The following SCLT1 variants were observed in gnomAD, a reference collection of about 807,000 sequenced individuals.
SCLT1 encodes sodium channel-associated protein 1.
In SCLT1, 78 loss-of-function variants were observed where a neutral mutation model predicts 112.8. That is an observed-to-expected ratio of 0.69 (90% CI 0.58 to 0.83). The LOEUF (loss-of-function observed/expected upper bound fraction) is 0.83, where lower values mean the gene tolerates loss of function less well. Among genes scored for constraint, SCLT1 ranks in the 40% least tolerant of loss-of-function variants. The pLI is 0.00. For missense variants in SCLT1, 747 were observed against 770.4 expected (o/e 0.97, Z 0.36); for synonymous variants, 257 against 254.7 (o/e 1.01, Z -0.09).
At chr4:128,942,908 G>T in intron 17 of SCLT1, 88 bp downstream of exon 17, 1 of 885,936 alleles carries the variant, frequency 1.1e-6, no homozygotes. Context: ...AAAAAAGGGG[G>T]CCTTAAAGAT....
At chr4:129,033,101 A>G (rs1746874650) in intron 5 of SCLT1, among the ~76,000 whole-genome samples, 1 of 152,220 alleles carries the variant, frequency 6.6e-6, no homozygotes, top group Non-Finnish European at 1.5e-5. Context: ...CATCAATGAG[A>G]GACTGGATAA....
At chr4:128,945,159 G>A (rs186726930) in intron 16 of SCLT1, among the ~76,000 whole-genome samples, 2 of 152,258 alleles carry the variant, frequency 1.3e-5, no homozygotes, top group African/African-American at 2.4e-5. Context: ...TACTCATAAT[G>A]CAGAGACACC....
At chr4:128,908,997 C>T (rs572328678) in intron 18 of SCLT1, among the ~76,000 whole-genome samples, 2 of 152,126 alleles carry the variant, frequency 1.3e-5, no homozygotes, top group East Asian at 1.9e-4. Context: ...TAATAAACTG[C>T]GTAGATCTGA....
intron 9 of SCLT1, among the ~76,000 whole-genome samples, chr4:128,985,887 G>A (rs1166653487): frequency 6.6e-6 from 1 of 152,002 alleles, no homozygotes; most frequent in Admixed American, 6.6e-5. Context: ...CCTAAATCTC[G>A]ATTAAGAAAT....
chr4:128,890,581 A>G (rs1579290244), intron 19 of SCLT1, among the ~76,000 whole-genome samples: 3 of 152,330 alleles, frequency 2.0e-5, no homozygotes, highest in African/African-American at 4.8e-5. Flanking sequence ...AGCCTCAATC[A>G]TAATCCAAAA....
intron 2 of SCLT1, among the ~76,000 whole-genome samples, chr4:129,077,916 T>C (rs789982): frequency 0.67 from 101,574 of 152,126 alleles, 36,236 homozygotes; most frequent in South Asian, 0.83. Flanking sequence ...GCAGATTAAT[T>C]TCCTCATGCT....
At chr4:128,937,495 G>C (rs1008932998) in intron 17 of SCLT1, among the ~76,000 whole-genome samples, 5 of 152,074 alleles carry the variant, frequency 3.3e-5, no homozygotes, top group African/African-American at 1.2e-4. Context: ...TCTGTTGCCA[G>C]AATCCAAGGA....
At chr4:129,064,043 C>A (rs1256309692) in intron 2 of SCLT1, among the ~76,000 whole-genome samples, 1 of 152,110 alleles carries the variant, frequency 6.6e-6, no homozygotes, top group African/African-American at 2.4e-5. Context: ...ACTTCTCTAG[C>A]CTTTAAACTC....
intron 10 of SCLT1, among the ~76,000 whole-genome samples, chr4:128,968,270 T>C (rs1375188899): frequency 1.3e-5 from 2 of 152,214 alleles, no homozygotes; most frequent in African/African-American, 4.8e-5. Context: ...TTCAATCTTT[T>C]AAACTCTCTG....
At chr4:129,066,019 G>GA (rs888273091) in intron 2 of SCLT1, among the ~76,000 whole-genome samples, 2 of 151,092 alleles carry the variant, frequency 1.3e-5, no homozygotes, top group South Asian at 4.2e-4. Context: ...ATTATACAGA[G>GA]AAAAAAAACA....
chr4:129,075,392 G>A (rs1245590328), intron 2 of SCLT1, among the ~76,000 whole-genome samples: 3 of 152,050 alleles, frequency 2.0e-5, no homozygotes, highest in Non-Finnish European at 4.4e-5. Context: ...AACAGCATAA[G>A]TAACTGATAA....
chr4:129,088,331 G>C (rs1181245642), intron 1 of SCLT1, among the ~76,000 whole-genome samples: 1 of 152,070 alleles, frequency 6.6e-6, no homozygotes, highest in Non-Finnish European at 1.5e-5. Context: ...CATCCATTTT[G>C]ATAAAAACTC....
At chr4:129,039,908 ACAC>A (rs1747540450) in intron 4 of SCLT1, 1 of 296,082 alleles carries the variant, frequency 3.4e-6, no homozygotes, top group South Asian at 5.9e-5. Flanking sequence ...GCGCACACAC[ACAC>A]ACACACACAC....
At position 128,959,452 on chromosome 4, in the gene SCLT1, T is replaced by C. The variant is rs372558913; in HGVS notation, c.1047+148A>G. On this transcript the variant is annotated intron_variant, in intron 12 of 20. Transcript: ENST00000281142. ...CATATGATGATATCTGGTTTTACCA[T>C]CCAAGAATATGGATGATTACTAATG... The C allele has an allele frequency of 2.6e-4, 161 of 626,666 alleles. No individual in the cohort carries two copies. In the East Asian group the frequency reaches 3.5e-3, roughly 13 times the overall value. The allele number at this position is 626,666 out of a possible 1,614,324, so 38.8% of individuals were successfully genotyped here.
At chr4:129,044,463 T>TA (rs957957628) in intron 2 of SCLT1, among the ~76,000 whole-genome samples, 13 of 148,376 alleles carry the variant, frequency 8.8e-5, no homozygotes, top group South Asian at 2.1e-4. Flanking sequence ...GATGAACACT[T>TA]AAAAAAAAAA....
chr4:128,904,844 T>A (rs6832138), intron 18 of SCLT1, among the ~76,000 whole-genome samples: 37,906 of 152,074 alleles, frequency 0.25, 5,439 homozygotes, highest in East Asian at 0.33. Flanking sequence ...AAAAGAAAAT[T>A]CATTCCAAAG....
At chr4:129,039,932 A>ACACAC in intron 4 of SCLT1, 2 of 439,920 alleles carry the variant, frequency 4.5e-6, no homozygotes, top group East Asian at 3.9e-5. Flanking sequence ...ACACACACAC[A>ACACAC]AAACCCTGAA....
intron 1 of SCLT1, among the ~76,000 whole-genome samples, chr4:129,084,486 A>G (rs956961076): frequency 6.6e-6 from 1 of 152,180 alleles, no homozygotes; most frequent in African/African-American, 2.4e-5. Context: ...TAAGACCTCT[A>G]CACAGAAAAC....
chr4:129,029,493 C>T (rs1368973003), intron 5 of SCLT1, among the ~76,000 whole-genome samples: 66 of 145,504 alleles, frequency 4.5e-4, no homozygotes, highest in Middle Eastern at 7.4e-3. Context: ...CACATGGACA[C>T]AGGAAGGGGA....
Sources: allele counts gnomAD v4.1 joint callset (sites outside exome capture counted in the v4.1 genomes callset), GRCh38; gene constraint gnomAD v4.1.1; transcripts MANE v1.5; gene names NCBI Gene and HGNC (gene_info 2026-07-23, HGNC 2026-07-21).